Variants in MYO1E observed in about 807,000 individuals in gnomAD.
The protein encoded by MYO1E is myosin IE.
In MYO1E, 68 loss-of-function variants were observed where a neutral mutation model predicts 151.1. The ratio of observed to expected loss-of-function variants is 0.45; its 90% CI spans 0.37 to 0.55. The LOEUF is 0.55. MYO1E is among the 20% of genes least tolerant of loss of function. The pLI is 0.00. For synonymous variants in MYO1E, 601 were observed against 501.7 expected (o/e 1.20, Z -2.64); for missense variants, 1,363 against 1,389.3 (o/e 0.98, Z 0.30).
At chr15:59,282,247 G>A (rs1479492417) in intron 1 of MYO1E, among the ~76,000 whole-genome samples, 9 of 152,158 alleles carry the variant, frequency 5.9e-5, no homozygotes, top group Non-Finnish European at 1.2e-4. Context: ...GTTCTCACAA[G>A]TAGAACCTAC....
chr15:59,275,072 C>T (rs1346635914), intron 1 of MYO1E, among the ~76,000 whole-genome samples: 2 of 152,196 alleles, frequency 1.3e-5, no homozygotes, highest in African/African-American at 4.8e-5. Context: ...TAGGAGGAAA[C>T]TGAGATCTCC....
intron 4 of MYO1E, among the ~76,000 whole-genome samples, chr15:59,246,660 T>C (rs772986149): frequency 2.0e-5 from 3 of 152,194 alleles, no homozygotes; most frequent in Non-Finnish European, 2.9e-5. Flanking sequence ...AGTGCTATCA[T>C]GTCTCTGCTC....
At chr15:59,151,234 T>C (rs1258511295) in intron 26 of MYO1E, among the ~76,000 whole-genome samples, 1 of 151,768 alleles carries the variant, frequency 6.6e-6, no homozygotes, top group African/African-American at 2.4e-5. Context: ...GAGACCATCC[T>C]GGCCAACATG....
At chr15:59,199,958 G>C (rs527353218) in intron 16 of MYO1E, among the ~76,000 whole-genome samples, 1 of 152,308 alleles carries the variant, frequency 6.6e-6, no homozygotes, top group South Asian at 2.1e-4. Flanking sequence ...CCACCAAGGA[G>C]ATTGTGCCTG....
intron 27 of MYO1E, among the ~76,000 whole-genome samples, chr15:59,137,768 T>C (rs550042071): frequency 2.0e-5 from 3 of 152,362 alleles, no homozygotes; most frequent in South Asian, 4.1e-4. Flanking sequence ...GGACAGCCCC[T>C]ACCAGGTCTC....
At chr15:59,260,245 G>A (rs1290924830) in intron 3 of MYO1E, among the ~76,000 whole-genome samples, 8 of 152,196 alleles carry the variant, frequency 5.3e-5, no homozygotes, top group Non-Finnish European at 1.0e-4. Context: ...AGCTCTGTGC[G>A]CCTGCTGATC....
chr15:59,273,467 G>C (rs190524967), intron 1 of MYO1E, among the ~76,000 whole-genome samples: 6 of 152,302 alleles, frequency 3.9e-5, no homozygotes, highest in Admixed American at 6.5e-5. Flanking sequence ...ATGGAATAAA[G>C]TGATTCATGC....
At chr15:59,231,680 C>G (rs1200557323) in intron 6 of MYO1E, 22 bp downstream of exon 6, 1 of 1,611,116 alleles carries the variant, frequency 6.2e-7, no homozygotes. Flanking sequence ...GCGACACTCT[C>G]TGAAACAGGG....
intron 1 of MYO1E, among the ~76,000 whole-genome samples, chr15:59,295,827 C>T (rs192330344): frequency 6.6e-6 from 1 of 152,248 alleles, no homozygotes; most frequent in Non-Finnish European, 1.5e-5. Flanking sequence ...TCCGGTCCAG[C>T]TCATCTGCTT....
intron 25 of MYO1E, among the ~76,000 whole-genome samples, chr15:59,156,828 T>G (rs569484372): frequency 6.6e-6 from 1 of 152,256 alleles, no homozygotes; most frequent in East Asian, 1.9e-4. Context: ...AGATTTTATG[T>G]ATTTTTGCAA....
chr15:59,301,981 T>G (rs1246545053), intron 1 of MYO1E, among the ~76,000 whole-genome samples: 4 of 151,990 alleles, frequency 2.6e-5, no homozygotes, highest in Admixed American at 2.0e-4. Flanking sequence ...TCCCCTGCCC[T>G]CAAACCCATT....
rs184872949 is a variant in MYO1E, at chr15:59,215,675, C to T, written c.1108-955G>A. On this transcript the variant is annotated intron_variant, in intron 10 of 27. Coordinates refer to ENST00000288235, the MANE Select transcript of MYO1E (RefSeq NM_004998.4). ...AAAATGAAATATCATCTTTTGTGAG[C>T]GAATGAGTAATCATACACAACACAC... Among the ~76,000 whole-genome samples the T allele has an allele frequency of 4.7e-4, 72 of 152,176 alleles. 1 individual carries two copies. The highest frequency in any genetic ancestry group is 4.6e-3 in the South Asian group (22 of 4,818).
intron 1 of MYO1E, among the ~76,000 whole-genome samples, chr15:59,321,955 C>T (rs1267235273): frequency 6.6e-5 from 10 of 152,224 alleles, no homozygotes; most frequent in Admixed American, 6.5e-4. Context: ...AGGCAGACCA[C>T]CTGAGGTCAG....
rs3191402 is a variant in MYO1E at position 59,136,961 on chromosome 15, G to A, written c.*419C>T. On this transcript the variant is annotated 3_prime_UTR_variant, in exon 28 of 28. Coordinates refer to ENST00000288235, the MANE Select transcript of MYO1E (RefSeq NM_004998.4). ...AGAGAGGAATGTGTCTATCAGGTAT[G>A]GACAAGAGAGATGAAAGAAATGTGC... The A allele has an allele frequency of 0.31, 110,768 of 356,350 alleles. 19,878 individuals are homozygous for A. The highest frequency in any genetic ancestry group is 0.4 in the Non-Finnish European group (71,840 of 180,098). 22.1% of individuals were successfully genotyped at this position (356,350 alleles called of 1,614,324 possible).
intron 4 of MYO1E, among the ~76,000 whole-genome samples, chr15:59,240,493 A>G (rs1386588450): frequency 1.3e-5 from 2 of 152,264 alleles, no homozygotes; most frequent in African/African-American, 4.8e-5. Context: ...GTATAATCCA[A>G]GGACCATAAT....
At chr15:59,157,625 A>C (rs2079516240) in intron 25 of MYO1E, among the ~76,000 whole-genome samples, 1 of 152,238 alleles carries the variant, frequency 6.6e-6, no homozygotes, top group Non-Finnish European at 1.5e-5. Context: ...CTTGTTATTC[A>C]TAATGGCCCC....
intron 6 of MYO1E, among the ~76,000 whole-genome samples, chr15:59,228,354 G>T (rs913950027): frequency 6.6e-6 from 1 of 152,028 alleles, no homozygotes; most frequent in African/African-American, 2.4e-5. Context: ...ATGGTGGCGG[G>T]TGCCTGCAGT....
intron 8 of MYO1E, among the ~76,000 whole-genome samples, 167 bp from the exon 9 acceptor site, chr15:59,223,358 G>A (rs534879243): frequency 6.6e-6 from 1 of 151,250 alleles, no homozygotes; most frequent in African/African-American, 2.4e-5. Context: ...GGGTTGTGCA[G>A]TCACATGTGG....
chr15:59,253,478 C>A (rs1184410068), intron 4 of MYO1E, among the ~76,000 whole-genome samples: 6 of 116,970 alleles, frequency 5.1e-5, no homozygotes, highest in Non-Finnish European at 6.6e-5. Flanking sequence ...TGAGTCTGAT[C>A]GAGTTTTTTT....
Sources: gnomAD v4.1 joint callset for allele counts (sites outside exome capture counted in the v4.1 genomes callset) on GRCh38, gnomAD v4.1.1 for gene constraint, MANE v1.5 for transcripts, NCBI Gene and HGNC (gene_info 2026-07-23, HGNC 2026-07-21) for gene names.